ST3GAL3: variants seen among roughly 807,000 people sequenced by gnomAD.
ST3GAL3 encodes the protein CMP-N-acetylneuraminate-beta-1,4-galactoside alpha-2,3-sialyltransferase.
A neutral mutation model predicts 50.1 loss-of-function variants in ST3GAL3; 21 were observed. The observed-to-expected ratio is 0.42, with a 90% CI of 0.30 to 0.60. The LOEUF is 0.60. Ranked by LOEUF, ST3GAL3 falls within the 20% of genes least tolerant of loss-of-function variation. ST3GAL3 has a pLI of 0.19. For synonymous variants in ST3GAL3, 183 were observed against 190.0 expected (o/e 0.96, Z 0.30); for missense variants, 353 against 489.4 (o/e 0.72, Z 2.63).
intron 5 of ST3GAL3, among the ~76,000 whole-genome samples, chr1:43,852,821 G>A (rs1174154919): frequency 6.6e-6 from 1 of 152,174 alleles, no homozygotes; most frequent in Non-Finnish European, 1.5e-5. Flanking sequence ...CATTAGTCAA[G>A]AGAATGAAAT....
intron 5 of ST3GAL3, chr1:43,850,799 C>G (rs2067148635): frequency 2.1e-6 from 2 of 946,084 alleles, no homozygotes. Context: ...TCATAGCTTG[C>G]TTCAGGGCCA....
intron 2 of ST3GAL3, among the ~76,000 whole-genome samples, chr1:43,764,320 G>A (rs1691698300): frequency 6.6e-6 from 1 of 152,076 alleles, no homozygotes; most frequent in South Asian, 2.1e-4. Context: ...TTTTTGCAGA[G>A]TCTCAATTTT....
intron 5 of ST3GAL3, among the ~76,000 whole-genome samples, chr1:43,877,796 A>G (rs1280697565): frequency 1.3e-5 from 2 of 152,230 alleles, no homozygotes; most frequent in South Asian, 2.1e-4. Flanking sequence ...GTGGTCAGCA[A>G]TGACTGCCCT....
chr1:43,876,604 A>G (rs545992535), intron 5 of ST3GAL3, among the ~76,000 whole-genome samples: 6 of 152,286 alleles, frequency 3.9e-5, no homozygotes, highest in Admixed American at 3.9e-4. Flanking sequence ...ATAGGCTGGG[A>G]CTTGCTTATC....
chr1:43,791,509 G>A (rs1197800980), intron 2 of ST3GAL3, among the ~76,000 whole-genome samples: 1 of 152,166 alleles, frequency 6.6e-6, no homozygotes, highest in Non-Finnish European at 1.5e-5. Flanking sequence ...GCTGTTTGAA[G>A]GCTCAGGCCC....
chr1:43,768,715 T>A (rs913165858), intron 2 of ST3GAL3, among the ~76,000 whole-genome samples: 6 of 152,200 alleles, frequency 3.9e-5, no homozygotes, highest in Non-Finnish European at 7.3e-5. Flanking sequence ...ATGGAAAACC[T>A]TAGAATCCTA....
chr1:43,728,621 C>T (rs568892169), intron 1 of ST3GAL3, among the ~76,000 whole-genome samples: 3 of 152,250 alleles, frequency 2.0e-5, no homozygotes, highest in Admixed American at 2.0e-4. Flanking sequence ...CGTGGTGACA[C>T]GTGCCTATGG....
At chr1:43,880,752 G>C (rs927551490) in intron 5 of ST3GAL3, among the ~76,000 whole-genome samples, 1 of 152,084 alleles carries the variant, frequency 6.6e-6, no homozygotes, top group Non-Finnish European at 1.5e-5. Flanking sequence ...TTCCCTAAGG[G>C]GCCAGTGACT....
At chr1:43,727,568 A>T (rs1181766763) in intron 1 of ST3GAL3, among the ~76,000 whole-genome samples, 1 of 152,188 alleles carries the variant, frequency 6.6e-6, no homozygotes, top group African/African-American at 2.4e-5. Context: ...GTAAAAAGTG[A>T]AAGTGGATGG....
chr1:43,879,415 C>T (rs1234834314), intron 5 of ST3GAL3: 1 of 456,050 alleles, frequency 2.2e-6, no homozygotes, highest in African/African-American at 2.0e-5. Context: ...AGAGAATGGA[C>T]TCTGAGAGAA....
At chr1:43,766,483 G>A (rs1693024265) in intron 2 of ST3GAL3, among the ~76,000 whole-genome samples, 1 of 152,198 alleles carries the variant, frequency 6.6e-6, no homozygotes, top group African/African-American at 2.4e-5. Context: ...CTGAAGCAGG[G>A]ACCTGGCGGT....
chr1:43,739,402 A>G (rs1037423077), intron 2 of ST3GAL3: 4 of 151,972 alleles, frequency 2.6e-5, no homozygotes, highest in East Asian at 1.9e-4. Context: ...TTTTGTAGAG[A>G]TGGGGTTTCT....
chr1:43,854,696 A>AG (rs1179933482), intron 5 of ST3GAL3, among the ~76,000 whole-genome samples: 2 of 152,250 alleles, frequency 1.3e-5, no homozygotes, highest in Admixed American at 6.5e-5. Flanking sequence ...ATGACTCAAA[A>AG]GCATCACAAG....
In ST3GAL3 at chr1:43,760,119, G is replaced by A. The variant is rs1374926038; in HGVS notation, c.118+23739G>A. On this transcript the variant is annotated intron_variant, in intron 2 of 11. Coordinates refer to ENST00000347631, the MANE Select transcript of ST3GAL3 (RefSeq NM_006279.5). ...CCATTTTTACTTGAAAGAAATGATA[G>A]ACAAAGTATGGTTATTTAGACTGGG... Among the ~76,000 whole-genome samples, 3 of 152,318 alleles carry A rather than the reference G, an allele frequency of 2.0e-5. No individual in the cohort carries two copies. In the East Asian group the frequency reaches 5.8e-4, roughly 29 times the overall value.
At chr1:43,874,686 A>G (rs796365190) in intron 5 of ST3GAL3, among the ~76,000 whole-genome samples, 5 of 152,342 alleles carry the variant, frequency 3.3e-5, no homozygotes, top group African/African-American at 1.2e-4. Context: ...CTTAGTTACA[A>G]ATATGGGCAG....
chr1:43,754,780 C>CA (rs1160779132), intron 2 of ST3GAL3, among the ~76,000 whole-genome samples: 1 of 152,092 alleles, frequency 6.6e-6, no homozygotes, highest in Admixed American at 6.6e-5. Flanking sequence ...TGAGATCCCA[C>CA]CTCTACACAA....
At chr1:43,758,746 G>T (rs1021159426) in intron 2 of ST3GAL3, among the ~76,000 whole-genome samples, 4 of 151,898 alleles carry the variant, frequency 2.6e-5, no homozygotes, top group Admixed American at 6.6e-5. Flanking sequence ...ACTAGAAGAG[G>T]TCAGGCATGA....
At chr1:43,817,094 C>T (rs906558675) in intron 4 of ST3GAL3, among the ~76,000 whole-genome samples, 1 of 152,204 alleles carries the variant, frequency 6.6e-6, no homozygotes, top group Non-Finnish European at 1.5e-5. Flanking sequence ...GAACTTGAAT[C>T]AGAACTTGAT....
chr1:43,928,644 C>T (rs1431448429), intron 11 of ST3GAL3, among the ~76,000 whole-genome samples: 1 of 150,828 alleles, frequency 6.6e-6, no homozygotes, highest in Non-Finnish European at 1.5e-5. Context: ...CACGGTGGCT[C>T]ATGCCTGTAA....
Sources: allele counts gnomAD v4.1 joint callset (sites outside exome capture counted in the v4.1 genomes callset), GRCh38; gene constraint gnomAD v4.1.1; transcripts MANE v1.5; gene names NCBI Gene and HGNC (gene_info 2026-07-23, HGNC 2026-07-21).